YPEL2: variants seen among roughly 807,000 people sequenced by gnomAD.
The protein encoded by YPEL2 is yippee like 2, also known as protein yippee-like 2.
In YPEL2, 2 loss-of-function variants were observed where a neutral mutation model predicts 19.1. The observed-to-expected ratio is 0.10, with a 90% CI of 0.04 to 0.33. The LOEUF (loss-of-function observed/expected upper bound fraction) is 0.33, where lower values mean the gene tolerates loss of function less well. Among genes scored for constraint, YPEL2 ranks in the 10% least tolerant of loss-of-function variants. The pLI, the probability that YPEL2 is intolerant of heterozygous loss-of-function variation, is 1.00. For synonymous variants in YPEL2, 52 were observed against 50.0 expected, an observed-to-expected ratio of 1.04 and a Z score of -0.17; for missense variants, 66 against 140.7, an observed-to-expected ratio of 0.47 and a Z score of 2.68.
intron 4 of YPEL2, among the ~76,000 whole-genome samples, chr17:59,394,972 G>A (rs554512945): frequency 8.5e-5 from 13 of 152,326 alleles, no homozygotes; most frequent in Non-Finnish European, 1.0e-4. Flanking sequence ...GCCTGCAATC[G>A]CAGGCACTCA....
At chr17:59,360,628 G>C (rs1272254200) in intron 2 of YPEL2, among the ~76,000 whole-genome samples, 2 of 152,114 alleles carry the variant, frequency 1.3e-5, no homozygotes, top group Non-Finnish European at 2.9e-5. Context: ...AGTATCTGTT[G>C]ACCACCCAGG....
rs1267780321 is a variant in YPEL2 at position 59,393,658 on chromosome 17, C to T, written c.271-3443C>T. On this transcript the variant is annotated intron_variant, in intron 4 of 4. Coordinates refer to ENST00000312655, the MANE Select transcript of YPEL2 (RefSeq NM_001005404.4). Reference sequence around the variant, plus strand: ...TGGTTTTCCTAGGCAGAGGACCCTGCGGCCTTCCGCAGTGTTTGTGTCCCT... The same window carrying T: ...TGGTTTTCCTAGGCAGAGGACCCTGTGGCCTTCCGCAGTGTTTGTGTCCCT... Among the ~76,000 whole-genome samples, 9 of 146,848 alleles carry T rather than the reference C, an allele frequency of 6.1e-5. No individual in the cohort carries two copies. The South Asian group carries it at 1.5e-3, about 25-fold the overall frequency.
intron 2 of YPEL2, among the ~76,000 whole-genome samples, chr17:59,387,821 G>C (rs997368703): frequency 6.6e-6 from 1 of 152,226 alleles, no homozygotes; most frequent in Admixed American, 6.5e-5. Flanking sequence ...GGCATGACAA[G>C]CGATAAGTGT....
In YPEL2 at chr17:59,401,675, T is replaced by C. The variant is rs1346635993; in HGVS notation, c.*4485T>C. 2 of 152,688 alleles carry C rather than the reference T, an allele frequency of 1.3e-5. No homozygotes were observed. Among genetic ancestry groups the C allele is most frequent in the Non-Finnish European group, 2.9e-5 (2 of 68,052 alleles). 9.5% of individuals were successfully genotyped at this position (152,688 alleles called of 1,614,324 possible). On this transcript the variant is annotated 3_prime_UTR_variant, in exon 5 of 5. Transcript: ENST00000312655. ...AGAGAAAAGTGCATTGTTTCTGTCA[T>C]ATTTCCAATCTGTGTTGGTGCTCAT...
intron 2 of YPEL2, among the ~76,000 whole-genome samples, chr17:59,362,358 C>T (rs1043432304): frequency 6.6e-6 from 1 of 151,772 alleles, no homozygotes; most frequent in Non-Finnish European, 1.5e-5. Context: ...GGAGGCAGAC[C>T]TGTCGCACAG....
At chr17:59,387,499 C>T (rs971676232) in intron 2 of YPEL2, among the ~76,000 whole-genome samples, 1 of 151,868 alleles carries the variant, frequency 6.6e-6, no homozygotes, top group Non-Finnish European at 1.5e-5. Context: ...AAAATGCAGG[C>T]GGCAGTGCAG....
At chr17:59,364,417 C>T (rs1778903418) in intron 2 of YPEL2, among the ~76,000 whole-genome samples, 1 of 152,174 alleles carries the variant, frequency 6.6e-6, no homozygotes, top group African/African-American at 2.4e-5. Flanking sequence ...CCCTTTTCTT[C>T]ATTTATCCAA....
chr17:59,387,514 T>TGG (rs1442774968), intron 2 of YPEL2, among the ~76,000 whole-genome samples: 2 of 152,140 alleles, frequency 1.3e-5, no homozygotes, highest in East Asian at 3.9e-4. Flanking sequence ...GTGCAGAACA[T>TGG]GGCTGGCTCA....
At chr17:59,372,275 C>G (rs751578041) in intron 2 of YPEL2, among the ~76,000 whole-genome samples, 2 of 152,234 alleles carry the variant, frequency 1.3e-5, no homozygotes, top group Non-Finnish European at 2.9e-5. Context: ...AAAAATAGAT[C>G]TGAGTAGCAC....
At chr17:59,393,232 A>G (rs2048017037) in intron 4 of YPEL2, among the ~76,000 whole-genome samples, 1 of 151,446 alleles carries the variant, frequency 6.6e-6, no homozygotes, top group Admixed American at 6.6e-5. Context: ...GACCCAGATG[A>G]TCTTCCTGCC....
At chr17:59,334,786 G>T (rs921869119) in intron 1 of YPEL2, among the ~76,000 whole-genome samples, 2 of 152,186 alleles carry the variant, frequency 1.3e-5, no homozygotes, top group South Asian at 2.1e-4. Context: ...AGCATCAAGC[G>T]TGGGATTTTA....
intron 2 of YPEL2, among the ~76,000 whole-genome samples, chr17:59,362,232 C>T (rs539020903): frequency 8.8e-4 from 134 of 151,474 alleles, no homozygotes; most frequent in African/African-American, 3.1e-3. Context: ...ACTCATTGAC[C>T]ACTGCTTGGC....
In YPEL2 at chr17:59,348,115, G is replaced by A. The variant is rs1034670941; in HGVS notation, c.-195-5100G>A. ...GGAAGCTGAGGGTCAGAGTGGTTTCGTAACTTGCCAGAAGTCACGCAGCTA... is the reference window on the plus strand; with the variant it reads ...GGAAGCTGAGGGTCAGAGTGGTTTCATAACTTGCCAGAAGTCACGCAGCTA... On this transcript the variant is annotated intron_variant, in intron 1 of 4. Transcript: ENST00000312655. Among the ~76,000 whole-genome samples the A allele has an allele frequency of 1.3e-5, 2 of 152,216 alleles. 1 individual carries two copies. The highest frequency in any genetic ancestry group is 4.1e-4 in the South Asian group (2 of 4,836).
chr17:59,342,417 G>A (rs1356172359), intron 1 of YPEL2, among the ~76,000 whole-genome samples: 2 of 152,336 alleles, frequency 1.3e-5, no homozygotes, highest in East Asian at 3.9e-4. Context: ...GGGGCTGGAC[G>A]AGGCCAGGGG....
At chr17:59,352,685 T>C (rs1413538385) in intron 1 of YPEL2, among the ~76,000 whole-genome samples, 3 of 152,228 alleles carry the variant, frequency 2.0e-5, no homozygotes, top group Admixed American at 2.0e-4. Flanking sequence ...TATCCCATGC[T>C]CAATCTCTAA....
At chr17:59,361,690 A>C (rs185095614) in intron 2 of YPEL2, among the ~76,000 whole-genome samples, 1 of 152,206 alleles carries the variant, frequency 6.6e-6, no homozygotes, top group African/African-American at 2.4e-5. Context: ...TTCTGTGGGC[A>C]TGTATATTTT....
intron 1 of YPEL2, among the ~76,000 whole-genome samples, chr17:59,333,535 T>C (rs567553061): frequency 2.0e-5 from 3 of 152,330 alleles, no homozygotes; most frequent in African/African-American, 7.2e-5. Flanking sequence ...CTGCACTGCA[T>C]ACAGGTCTGT....
intron 1 of YPEL2, among the ~76,000 whole-genome samples, chr17:59,337,938 C>T (rs925189540): frequency 6.6e-6 from 1 of 152,208 alleles, no homozygotes; most frequent in African/African-American, 2.4e-5. Flanking sequence ...TGGAATAATA[C>T]CAGCTCCTCA....
intron 1 of YPEL2, among the ~76,000 whole-genome samples, chr17:59,337,297 C>T (rs2047704414): frequency 6.6e-6 from 1 of 151,400 alleles, no homozygotes; most frequent in Admixed American, 6.6e-5. Context: ...ACGCCATTCT[C>T]CTGCCTCAGC....
Sources: allele counts gnomAD v4.1 joint callset (sites outside exome capture counted in the v4.1 genomes callset), GRCh38; gene constraint gnomAD v4.1.1; transcripts MANE v1.5; gene names NCBI Gene and HGNC (gene_info 2026-07-23, HGNC 2026-07-21).